Variants in LRMDA observed in about 807,000 individuals in gnomAD.
The protein encoded by LRMDA is leucine rich melanocyte differentiation associated.
Under a neutral mutation model 29.8 loss-of-function variants are expected in LRMDA, and 18 were observed. The ratio of observed to expected loss-of-function variants is 0.60; its 90% confidence interval spans 0.42 to 0.90. The LOEUF is 0.90. LRMDA is among the 40% of genes least tolerant of loss of function. The pLI, the probability that LRMDA is intolerant of heterozygous loss-of-function variation, is 0.00. For synonymous variants in LRMDA, 125 were observed against 109.4 expected, an observed-to-expected ratio of 1.14 and a Z score of -0.89; for missense variants, 273 against 273.9, an observed-to-expected ratio of 1.00 and a Z score of 0.02.
intron 2 of LRMDA, among the ~76,000 whole-genome samples, chr10:75,952,940 A>C (rs1350676828): frequency 6.7e-6 from 1 of 150,064 alleles, no homozygotes; most frequent in Non-Finnish European, 1.5e-5. Flanking sequence ...TTTTTAGTAG[A>C]GATGGGGTTT....
intron 5 of LRMDA, among the ~76,000 whole-genome samples, chr10:76,225,659 C>T (rs561262650): frequency 3.4e-4 from 51 of 151,332 alleles, no homozygotes; most frequent in African/African-American, 1.1e-3. Context: ...TCCATGTTCA[C>T]ACTGCTGTAA....
At chr10:76,075,703 A>G (rs1328686456) in intron 5 of LRMDA, among the ~76,000 whole-genome samples, 1 of 152,148 alleles carries the variant, frequency 6.6e-6, no homozygotes, top group Non-Finnish European at 1.5e-5. Flanking sequence ...CTCATCTGTA[A>G]AATGGGTACA....
chr10:75,653,058 G>A (rs1042979080), intron 2 of LRMDA, among the ~76,000 whole-genome samples: 2 of 152,172 alleles, frequency 1.3e-5, no homozygotes. Context: ...GTCACATTAG[G>A]TGATTTCTGA....
chr10:76,129,247 C>A (rs1336871895), intron 5 of LRMDA, among the ~76,000 whole-genome samples: 1 of 152,160 alleles, frequency 6.6e-6, no homozygotes, highest in Non-Finnish European at 1.5e-5. Context: ...TCACTTTGCT[C>A]AAGCTCCCAG....
chr10:76,338,205 G>C (rs1015598890), intron 6 of LRMDA, among the ~76,000 whole-genome samples: 2 of 151,860 alleles, frequency 1.3e-5, no homozygotes, highest in African/African-American at 2.4e-5. Flanking sequence ...TCAAAATGCA[G>C]AACCAAGACC....
At chr10:76,080,640 G>A (rs1299510885) in intron 5 of LRMDA, among the ~76,000 whole-genome samples, 1 of 152,226 alleles carries the variant, frequency 6.6e-6, no homozygotes, top group Non-Finnish European at 1.5e-5. Context: ...CTTTGTCTCA[G>A]GAGCTGACTC....
chr10:76,329,797 A>G (rs950939885), intron 6 of LRMDA, among the ~76,000 whole-genome samples: 5 of 152,174 alleles, frequency 3.3e-5, no homozygotes, highest in Non-Finnish European at 5.9e-5. Context: ...AAGCAGCTCA[A>G]TGTATGCCAT....
intron 2 of LRMDA, among the ~76,000 whole-genome samples, chr10:75,965,544 G>A (rs1242218318): frequency 6.6e-6 from 1 of 152,046 alleles, no homozygotes; most frequent in East Asian, 1.9e-4. Flanking sequence ...CCATGAGTGG[G>A]CTCTTTACTT....
intron 2 of LRMDA, among the ~76,000 whole-genome samples, chr10:75,438,750 G>C (rs959493123): frequency 1.3e-5 from 2 of 152,294 alleles, no homozygotes; most frequent in East Asian, 3.9e-4. Flanking sequence ...GTTCCTATGA[G>C]AGAGCCGTCA....
At chr10:75,971,771 C>T (rs1278479111) in intron 2 of LRMDA, among the ~76,000 whole-genome samples, 1 of 152,080 alleles carries the variant, frequency 6.6e-6, no homozygotes, top group East Asian at 1.9e-4. Flanking sequence ...TGTGCTTGAC[C>T]TGTGGGTGAG....
chr10:76,331,097 C>T (rs1840899241), intron 6 of LRMDA, among the ~76,000 whole-genome samples: 1 of 152,096 alleles, frequency 6.6e-6, no homozygotes, highest in South Asian at 2.1e-4. Flanking sequence ...ATGATGAAAC[C>T]CCATCTCTAC....
At chr10:76,468,880 A>T (rs1183570158) in intron 6 of LRMDA, among the ~76,000 whole-genome samples, 1 of 152,164 alleles carries the variant, frequency 6.6e-6, no homozygotes, top group Non-Finnish European at 1.5e-5. Context: ...GAGAGGGAGA[A>T]GAGAGAGGAA....
intron 2 of LRMDA, among the ~76,000 whole-genome samples, chr10:75,822,751 G>A (rs1844183734): frequency 6.6e-6 from 1 of 151,882 alleles, no homozygotes; most frequent in Admixed American, 6.6e-5. Context: ...TCAGAGACAG[G>A]GTCTTACTCT....
intron 5 of LRMDA, among the ~76,000 whole-genome samples, chr10:76,171,937 TC>T (rs1277642356): frequency 2.6e-5 from 4 of 152,208 alleles, no homozygotes; most frequent in African/African-American, 9.6e-5. Context: ...GGCTCAGAAG[TC>T]CAAGACTGGG....
At chr10:75,752,992 T>C (rs1201335637) in intron 2 of LRMDA, among the ~76,000 whole-genome samples, 3 of 152,196 alleles carry the variant, frequency 2.0e-5, no homozygotes, top group Non-Finnish European at 4.4e-5. Flanking sequence ...TTGAGTTTTC[T>C]TTGCCTGTGG....
intron 2 of LRMDA, among the ~76,000 whole-genome samples, chr10:75,788,378 A>G (rs1170029835): frequency 1.3e-5 from 2 of 152,238 alleles, no homozygotes; most frequent in Non-Finnish European, 2.9e-5. Flanking sequence ...ACTTCATGAT[A>G]TAAGGCTGGA....
chr10:76,063,255 A>G (rs1317464863), intron 5 of LRMDA, among the ~76,000 whole-genome samples: 1 of 152,182 alleles, frequency 6.6e-6, no homozygotes, highest in East Asian at 1.9e-4. Flanking sequence ...GGTAATAAAT[A>G]TGTCTGTGAG....
intron 6 of LRMDA, among the ~76,000 whole-genome samples, chr10:76,458,462 T>C (rs937336349): frequency 1.3e-5 from 2 of 152,210 alleles, no homozygotes; most frequent in African/African-American, 4.8e-5. Context: ...TTCTGTTTGA[T>C]TGATTGATTT....
At chr10:76,068,376 G>A (rs971342306) in intron 5 of LRMDA, among the ~76,000 whole-genome samples, 101 of 152,190 alleles carry the variant, frequency 6.6e-4, no homozygotes, top group African/African-American at 2.3e-3. Flanking sequence ...CAACGTTTCT[G>A]GCACCAGGGA....
Sources: gnomAD v4.1 joint callset for allele counts (sites outside exome capture counted in the v4.1 genomes callset) on GRCh38, gnomAD v4.1.1 for gene constraint, MANE v1.5 for transcripts, NCBI Gene and HGNC (gene_info 2026-07-23, HGNC 2026-07-21) for gene names.